DST: variants seen among roughly 807,000 people sequenced by gnomAD.
DST encodes bullous pemphigoid antigen.
A neutral mutation model predicts 875.2 loss-of-function variants in DST; 253 were observed. That is an observed-to-expected ratio of 0.29 (90% CI 0.26 to 0.32). DST has a LOEUF of 0.32. DST is among the 10% of genes least tolerant of loss of function. The probability of loss-of-function intolerance (pLI) is 1.00; values close to 1 mark genes in which losing one functional copy is unlikely to be tolerated. For synonymous variants in DST, 3,124 were observed against 3,197.1 expected (o/e 0.98, Z 0.77); for missense variants, 8,287 against 9,111.6 (o/e 0.91, Z 3.68).
intron 9 of DST, among the ~76,000 whole-genome samples, chr6:56,682,972 G>A (rs1300806917): frequency 2.0e-5 from 3 of 152,192 alleles, no homozygotes; most frequent in Non-Finnish European, 4.4e-5. Flanking sequence ...CCTTATGTTT[G>A]TTGGCTCATT....
chr6:56,782,689 A>G (rs867094262), intron 4 of DST, among the ~76,000 whole-genome samples: 3 of 151,804 alleles, frequency 2.0e-5, no homozygotes, highest in Admixed American at 6.6e-5. Context: ...TGGATTCATT[A>G]ATTTTTTGAA....
At chr6:56,694,837 T>C (rs1338018152) in intron 9 of DST, among the ~76,000 whole-genome samples, 3 of 151,844 alleles carry the variant, frequency 2.0e-5, no homozygotes, top group African/African-American at 7.3e-5. Context: ...TAAGAGTTAG[T>C]TGTTTGAGGC....
At chr6:56,680,689 C>T (rs971903507) in intron 9 of DST, among the ~76,000 whole-genome samples, 8 of 152,320 alleles carry the variant, frequency 5.3e-5, no homozygotes, top group African/African-American at 1.9e-4. Context: ...CAACCTTTAA[C>T]ATTATTCCCC....
intron 5 of DST, among the ~76,000 whole-genome samples, chr6:56,710,227 A>G (rs1048332567): frequency 2.6e-5 from 4 of 152,236 alleles, no homozygotes; most frequent in African/African-American, 4.8e-5. Context: ...GAGTCATTCC[A>G]TTAATGAACC....
intron 83 of DST, 92 bp downstream of exon 83, chr6:56,493,918 C>T: frequency 8.0e-6 from 8 of 996,774 alleles, no homozygotes; most frequent in Non-Finnish European, 1.1e-5. Flanking sequence ...ATTGAAAGTT[C>T]TACTCCTGAT....
chr6:56,517,101 A>G, intron 71 of DST, 97 bp downstream of exon 71: 1 of 847,412 alleles, frequency 1.2e-6, no homozygotes, highest in Non-Finnish European at 2.0e-6. Context: ...CTTAAATGGC[A>G]GCTGTGGATA....
At chr6:56,880,837 C>CTTT (rs765843469) in intron 3 of DST, among the ~76,000 whole-genome samples, 72 of 58,074 alleles carry the variant, frequency 1.2e-3, no homozygotes, top group Admixed American at 2.2e-3. Flanking sequence ...TACTGTCTTT[C>CTTT]TTTTTTTTTT....
chr6:56,639,423 G>A (rs749479079), intron 21 of DST, 27 bp downstream of exon 21: 1 of 1,613,014 alleles, frequency 6.2e-7, no homozygotes, highest in African/African-American at 1.3e-5. Flanking sequence ...TGCAACCCTA[G>A]TATGCAAGTA....
intron 99 of DST, among the ~76,000 whole-genome samples, chr6:56,465,716 C>G (rs2094545032): frequency 6.6e-6 from 1 of 151,960 alleles, no homozygotes; most frequent in African/African-American, 2.4e-5. Context: ...GTCTTCATCA[C>G]CTCAATTTTC....
At chr6:56,803,312 C>A (rs2099749415) in intron 4 of DST, among the ~76,000 whole-genome samples, 1 of 152,156 alleles carries the variant, frequency 6.6e-6, no homozygotes, top group Admixed American at 6.5e-5. Context: ...ATTTATGCTG[C>A]AATCTTACTT....
intron 55 of DST, among the ~76,000 whole-genome samples, chr6:56,564,972 T>C (rs561517890): frequency 1.3e-5 from 2 of 152,248 alleles, no homozygotes; most frequent in African/African-American, 4.8e-5. Flanking sequence ...TTTGCCAGTA[T>C]TTTACTGAGG....
intron 4 of DST, among the ~76,000 whole-genome samples, chr6:56,737,495 A>C (rs1412058480): frequency 6.6e-6 from 1 of 152,230 alleles, no homozygotes; most frequent in Non-Finnish European, 1.5e-5. Flanking sequence ...TTAACAATTC[A>C]GTTTCTTTGT....
chr6:56,817,883 G>A (rs190968193), intron 4 of DST, among the ~76,000 whole-genome samples: 9 of 152,284 alleles, frequency 5.9e-5, no homozygotes, highest in African/African-American at 1.7e-4. Context: ...ATACGATTAA[G>A]TTAAGGATCT....
chr6:56,681,899 G>A (rs1277040423), intron 9 of DST, among the ~76,000 whole-genome samples: 3 of 152,140 alleles, frequency 2.0e-5, no homozygotes, highest in African/African-American at 7.2e-5. Flanking sequence ...TGGACATGCA[G>A]CCCCCAACCA....
At chr6:56,732,524 A>G (rs1331055258) in intron 5 of DST, among the ~76,000 whole-genome samples, 1 of 152,334 alleles carries the variant, frequency 6.6e-6, no homozygotes, top group African/African-American at 2.4e-5. Flanking sequence ...AAGAAACTGT[A>G]TCGAAGAGCA....
rs41439750 is a variant in DST at position 56,524,001 on chromosome 6, C to T, written c.18129+2360G>A. 5.3e-3 allele frequency among the ~76,000 whole-genome samples: 809 copies of T among 152,162 alleles called. 14 individuals are homozygous for T. The highest frequency in any genetic ancestry group is 0.033 in the Admixed American group (503 of 15,268). Reference sequence around the variant, plus strand: ...AATGCAAAACAGATAGTCCAAAATACGTGGCTAATGTCCAGGTCTAAAGAT... The same window carrying T: ...AATGCAAAACAGATAGTCCAAAATATGTGGCTAATGTCCAGGTCTAAAGAT... On this transcript the variant is annotated intron_variant, in intron 69 of 103. Transcript: ENST00000680361.
rs891633163 is a variant in DST, at chr6:56,519,059, G to A, written c.18130-1439C>T. 3.9e-5 allele frequency among the ~76,000 whole-genome samples: 6 copies of A among 152,060 alleles called. No individual in the cohort carries two copies. The South Asian group carries it at 8.3e-4, about 21-fold the overall frequency. On this transcript the variant is annotated intron_variant, in intron 69 of 103. Coordinates refer to ENST00000680361, the MANE Select transcript of DST (RefSeq NM_001374736.1). Reference sequence around the variant, plus strand: ...ACATACATAAGAAGATTCCACAAAGGGGAGAGAAGAGGACAGAACTACCAT... The same window carrying A: ...ACATACATAAGAAGATTCCACAAAGAGGAGAGAAGAGGACAGAACTACCAT...
chr6:56,814,961 T>C (rs1039903152), intron 4 of DST, among the ~76,000 whole-genome samples: 23 of 151,918 alleles, frequency 1.5e-4, no homozygotes, highest in Non-Finnish European at 1.0e-4. Flanking sequence ...GACAGCACAG[T>C]GTAGGTGAGA....
chr6:56,463,717 C>T lies in DST; in HGVS notation c.22807G>A (p.Asp7603Asn). The T allele has an allele frequency of 1.2e-6, 2 of 1,614,022 alleles. No individual in the cohort carries two copies. The highest frequency in any genetic ancestry group is 1.7e-6 in the Non-Finnish European group (2 of 1,179,900). The change falls in exon 101 of 104, where the codon GAT (aspartate) becomes AAT (asparagine). Residue 7603 changes from aspartate to asparagine, a missense_variant. Around this residue, in one of 10 missense-constraint regions of DST, gnomAD observed 64 missense variants for 86.2 expected, o/e 0.74. Transcript: ENST00000680361. ...MELREKFILA[D>N]GASQGMAAFR... ...GCAGCCATACCCTGGCTGGCACCAT[C>T]TGCTAAAATGAACTTCTCACGCAGT... is the stretch of plus-strand genomic sequence containing the variant.
Sources: gnomAD v4.1 joint callset for allele counts (sites outside exome capture counted in the v4.1 genomes callset) on GRCh38, gnomAD v4.1.1 for gene constraint, gnomAD v4.1.1 regional missense constraint, MANE v1.5 for transcripts, NCBI Gene and HGNC (gene_info 2026-07-23, HGNC 2026-07-21) for gene names.